Variants in GRM7 observed in about 807,000 individuals in gnomAD.
GRM7 encodes metabotropic glutamate receptor 7.
Under a neutral mutation model 84.5 loss-of-function variants are expected in GRM7, and 35 were observed. The ratio of observed to expected loss-of-function variants is 0.41; its 90% CI spans 0.32 to 0.55. The LOEUF is 0.55. GRM7 is among the 20% of genes least tolerant of loss of function. The pLI, the probability that GRM7 is intolerant of heterozygous loss-of-function variation, is 0.19. For missense variants in GRM7, 1,003 were observed against 1,194.6 expected, an observed-to-expected ratio of 0.84 and a Z score of 2.36; for synonymous variants, 487 against 455.1, an observed-to-expected ratio of 1.07 and a Z score of -0.89.
chr3:7,653,848 T>C (rs1010690899), intron 8 of GRM7, among the ~76,000 whole-genome samples: 5 of 152,178 alleles, frequency 3.3e-5, no homozygotes, highest in African/African-American at 1.2e-4. Flanking sequence ...TAGGTAAAGT[T>C]ACACCCATTT....
intron 4 of GRM7, among the ~76,000 whole-genome samples, chr3:7,398,695 CAAAAG>C (rs1695320386): frequency 6.6e-6 from 1 of 151,826 alleles, no homozygotes. Flanking sequence ...GGGATCAGTG[CAAAAG>C]AAAAGCATGA....
intron 8 of GRM7, among the ~76,000 whole-genome samples, chr3:7,670,675 T>TA (rs59290859): frequency 1 from 152,335 of 152,336 alleles, 76,167 homozygotes; most frequent in Non-Finnish European, 1. Flanking sequence ...AGCATTGTAC[T>TA]ATACAATGGA....
At chr3:7,555,092 T>A (rs1693692914) in intron 7 of GRM7, among the ~76,000 whole-genome samples, 1 of 152,216 alleles carries the variant, frequency 6.6e-6, no homozygotes, top group African/African-American at 2.4e-5. Flanking sequence ...ATTTGCCTGG[T>A]TTCTCCATGT....
chr3:7,037,580 G>A (rs1048237504), intron 1 of GRM7, among the ~76,000 whole-genome samples: 1 of 152,136 alleles, frequency 6.6e-6, no homozygotes, highest in Admixed American at 6.5e-5. Flanking sequence ...CTTTTCTACA[G>A]AGATATAAAA....
At chr3:7,480,178 A>G (rs1699074811) in intron 7 of GRM7, among the ~76,000 whole-genome samples, 1 of 152,180 alleles carries the variant, frequency 6.6e-6, no homozygotes, top group South Asian at 2.1e-4. Flanking sequence ...GCTCACAATT[A>G]TCTACCTAGG....
At chr3:7,043,017 G>C (rs1337960898) in intron 1 of GRM7, among the ~76,000 whole-genome samples, 1 of 152,140 alleles carries the variant, frequency 6.6e-6, no homozygotes, top group Admixed American at 6.5e-5. Flanking sequence ...AAAGAGCTAA[G>C]TTTTGCTCCA....
intron 4 of GRM7, among the ~76,000 whole-genome samples, chr3:7,370,745 A>G (rs1002502823): frequency 1.6e-4 from 25 of 152,156 alleles, no homozygotes; most frequent in Admixed American, 1.4e-3. Context: ...CCCTCATAGA[A>G]GAAATCGTGT....
rs73123735 is a variant in GRM7, at chr3:7,709,140, G to A, written c.2698+28845G>A. ...CTTATTGAACCCATCTTCAGCAAGC[G>A]GTCCCTAAGTATTAGACAGGATAGT... is the stretch of plus-strand genomic sequence containing the variant. On this transcript the variant is annotated intron_variant, in intron 9 of 9. Coordinates refer to ENST00000357716, the MANE Select transcript of GRM7 (RefSeq NM_000844.4). Among the ~76,000 whole-genome samples, 598 of 151,974 alleles carry A rather than the reference G, an allele frequency of 3.9e-3. 4 individuals carry two copies. The highest frequency in any genetic ancestry group is 0.013 in the African/African-American group (525 of 41,468).
intron 2 of GRM7, among the ~76,000 whole-genome samples, chr3:7,185,103 G>T (rs1695470306): frequency 6.6e-6 from 1 of 152,134 alleles, no homozygotes; most frequent in Non-Finnish European, 1.5e-5. Context: ...AATATATTTA[G>T]TAAGTGCAAA....
intron 8 of GRM7, among the ~76,000 whole-genome samples, chr3:7,660,168 T>C (rs1699376646): frequency 6.6e-6 from 1 of 152,142 alleles, no homozygotes; most frequent in South Asian, 2.1e-4. Context: ...GTTGCAAAGG[T>C]AAACTGTAAT....
intron 4 of GRM7, among the ~76,000 whole-genome samples, chr3:7,354,391 A>G (rs749438730): frequency 2.0e-5 from 3 of 152,016 alleles, no homozygotes; most frequent in African/African-American, 4.8e-5. Context: ...AATCCACCCT[A>G]TGGTTATTTT....
chr3:7,171,931 G>A (rs1383412637), intron 2 of GRM7, among the ~76,000 whole-genome samples: 1 of 152,186 alleles, frequency 6.6e-6, no homozygotes, highest in East Asian at 1.9e-4. Flanking sequence ...GCAGTGAAAT[G>A]AAAACAGCAT....
At chr3:7,048,445 G>A (rs563386895) in intron 1 of GRM7, among the ~76,000 whole-genome samples, 54 of 151,378 alleles carry the variant, frequency 3.6e-4, no homozygotes, top group South Asian at 1.9e-3. Context: ...ATTGATGTTT[G>A]TATTTTTGTT....
At chr3:7,600,903 A>G (rs1466454379) in intron 8 of GRM7, among the ~76,000 whole-genome samples, 2 of 152,122 alleles carry the variant, frequency 1.3e-5, no homozygotes, top group Admixed American at 1.3e-4. Flanking sequence ...TGTGAGAGAG[A>G]AAGACAGACA....
chr3:6,906,193 G>A (rs1265426074), intron 1 of GRM7, among the ~76,000 whole-genome samples: 2 of 152,070 alleles, frequency 1.3e-5, no homozygotes, highest in South Asian at 2.1e-4. Flanking sequence ...GGGCAATGGG[G>A]GCACTTGATT....
chr3:7,658,418 C>A (rs189959965), intron 8 of GRM7, among the ~76,000 whole-genome samples: 6 of 152,102 alleles, frequency 3.9e-5, no homozygotes, highest in East Asian at 1.9e-4. Flanking sequence ...GGTAGCCTTT[C>A]GCCTAGATAA....
intron 2 of GRM7, among the ~76,000 whole-genome samples, chr3:7,232,582 A>C (rs1396406): frequency 0.91 from 137,859 of 152,186 alleles, 62,661 homozygotes; most frequent in East Asian, 1. Context: ...CAATCAACAT[A>C]ATTTTGAACT....
intron 7 of GRM7, among the ~76,000 whole-genome samples, chr3:7,463,630 G>C (rs1442979702): frequency 1.3e-5 from 2 of 152,130 alleles, no homozygotes; most frequent in Non-Finnish European, 2.9e-5. Flanking sequence ...AAAGGTGGTA[G>C]AGAGGATAAT....
intron 1 of GRM7, among the ~76,000 whole-genome samples, chr3:7,009,212 G>T (rs1248225571): frequency 6.6e-6 from 1 of 152,086 alleles, no homozygotes; most frequent in African/African-American, 2.4e-5. Context: ...AATTTAGTAA[G>T]TTTTCATATC....
Sources: allele counts gnomAD v4.1 joint callset (sites outside exome capture counted in the v4.1 genomes callset), GRCh38; gene constraint gnomAD v4.1.1; transcripts MANE v1.5; gene names NCBI Gene and HGNC (gene_info 2026-07-23, HGNC 2026-07-21).